The following CAMK1D variants were observed in gnomAD, a reference collection of about 807,000 sequenced individuals.
CAMK1D encodes calcium/calmodulin-dependent protein kinase type 1D.
CAMK1D carries 9 observed loss-of-function variants against 47.7 expected under a neutral mutation model. The ratio of observed to expected loss-of-function variants is 0.19; its 90% CI spans 0.11 to 0.33. CAMK1D has a LOEUF of 0.33. Among genes scored for constraint, CAMK1D ranks in the 10% least tolerant of loss-of-function variants. The pLI is 1.00. For missense variants in CAMK1D, 291 were observed against 488.7 expected (o/e 0.60, Z 3.81); for synonymous variants, 184 against 184.9 (o/e 0.99, Z 0.04).
chr10:12,508,217 C>T (rs567556632), intron 1 of CAMK1D, among the ~76,000 whole-genome samples: 30 of 152,332 alleles, frequency 2.0e-4, no homozygotes, highest in South Asian at 8.3e-4. Context: ...GTAAATGCAT[C>T]GCTATTCATG....
chr10:12,556,915 C>T (rs941396116), intron 2 of CAMK1D, among the ~76,000 whole-genome samples: 2 of 152,196 alleles, frequency 1.3e-5, no homozygotes, highest in Non-Finnish European at 2.9e-5. Flanking sequence ...CACATTAACA[C>T]AGAAGCTCTG....
At chr10:12,581,946 C>T (rs201950464) in intron 2 of CAMK1D, among the ~76,000 whole-genome samples, 1 of 152,084 alleles carries the variant, frequency 6.6e-6, no homozygotes, top group Non-Finnish European at 1.5e-5. Flanking sequence ...TGGGTTCTTG[C>T]TCATGAAGTC....
At chr10:12,471,307 A>G (rs1048530502) in intron 1 of CAMK1D, among the ~76,000 whole-genome samples, 2 of 152,186 alleles carry the variant, frequency 1.3e-5, no homozygotes, top group Admixed American at 6.5e-5. Flanking sequence ...GGCTTCCTCT[A>G]TGGTTCTCTT....
chr10:12,633,960 AC>A (rs1410390980), intron 2 of CAMK1D, among the ~76,000 whole-genome samples: 2 of 152,036 alleles, frequency 1.3e-5, no homozygotes, highest in Admixed American at 1.3e-4. Context: ...GGAGTTTGAA[AC>A]CTGCACAGAA....
At chr10:12,662,862 C>T (rs774079915) in intron 2 of CAMK1D, among the ~76,000 whole-genome samples, 21 of 152,304 alleles carry the variant, frequency 1.4e-4, no homozygotes, top group African/African-American at 3.8e-4. Context: ...CTCAAAACTA[C>T]GACAATGAAC....
chr10:12,570,880 G>C (rs1409101541), intron 2 of CAMK1D, among the ~76,000 whole-genome samples: 1 of 152,076 alleles, frequency 6.6e-6, no homozygotes, highest in Non-Finnish European at 1.5e-5. Flanking sequence ...TGAACCCAGA[G>C]GCGGAGGTTG....
At chr10:12,626,687 C>T (rs1423280325) in intron 2 of CAMK1D, among the ~76,000 whole-genome samples, 3 of 152,222 alleles carry the variant, frequency 2.0e-5, no homozygotes, top group African/African-American at 7.2e-5. Context: ...GTTGGCCAGG[C>T]TGGCCTCGAA....
chr10:12,497,778 A>G (rs1834586017), intron 1 of CAMK1D, among the ~76,000 whole-genome samples: 1 of 152,236 alleles, frequency 6.6e-6, no homozygotes, highest in African/African-American at 2.4e-5. Context: ...GGCTGAGGAC[A>G]GTAGATGAAG....
At chr10:12,531,352 C>G (rs921780604) in intron 1 of CAMK1D, among the ~76,000 whole-genome samples, 2 of 152,182 alleles carry the variant, frequency 1.3e-5, no homozygotes, top group Non-Finnish European at 2.9e-5. Context: ...TGCATTCATC[C>G]CCCTTCTGCC....
At chr10:12,498,002 G>A (rs1353292088) in intron 1 of CAMK1D, among the ~76,000 whole-genome samples, 6 of 152,180 alleles carry the variant, frequency 3.9e-5, no homozygotes, top group South Asian at 2.1e-4. Flanking sequence ...ACGTGTGCAC[G>A]GAAACTGCCC....
intron 1 of CAMK1D, among the ~76,000 whole-genome samples, chr10:12,468,688 C>G (rs1012569821): frequency 1.3e-5 from 2 of 152,206 alleles, no homozygotes; most frequent in Non-Finnish European, 2.9e-5. Context: ...CCCCCCATGA[C>G]CCTGCCCTCC....
At chr10:12,576,090 A>G (rs1837481639) in intron 2 of CAMK1D, among the ~76,000 whole-genome samples, 2 of 152,246 alleles carry the variant, frequency 1.3e-5, no homozygotes, top group African/African-American at 4.8e-5. Context: ...ACATTTTTCT[A>G]GTGAAAGCAA....
At chr10:12,669,697 A>G (rs1300461195) in intron 3 of CAMK1D, among the ~76,000 whole-genome samples, 1 of 152,160 alleles carries the variant, frequency 6.6e-6, no homozygotes, top group African/African-American at 2.4e-5. Context: ...TCTCTTCCTC[A>G]TTCATGACCC....
chr10:12,534,689 A>C (rs904188638), intron 1 of CAMK1D, among the ~76,000 whole-genome samples: 1 of 152,204 alleles, frequency 6.6e-6, no homozygotes, highest in Admixed American at 6.5e-5. Flanking sequence ...TTAATAGCTT[A>C]ACAAAATAAG....
At chr10:12,636,431 G>A (rs10906190) in intron 2 of CAMK1D, among the ~76,000 whole-genome samples, 70,075 of 152,054 alleles carry the variant, frequency 0.46, 16,605 homozygotes, top group South Asian at 0.63. Flanking sequence ...GGGCTCAAGC[G>A]ATCCTCCCAC....
chr10:12,617,347 C>T (rs1465521461), intron 2 of CAMK1D, among the ~76,000 whole-genome samples: 1 of 152,154 alleles, frequency 6.6e-6, no homozygotes, highest in Non-Finnish European at 1.5e-5. Context: ...GAAGAACACT[C>T]ATAACTCCAC....
At chr10:12,490,539 T>C (rs1834351552) in intron 1 of CAMK1D, among the ~76,000 whole-genome samples, 1 of 152,160 alleles carries the variant, frequency 6.6e-6, no homozygotes, top group Admixed American at 6.5e-5. Context: ...TGATATTCAC[T>C]CTATAACGAA....
intron 1 of CAMK1D, among the ~76,000 whole-genome samples, chr10:12,481,494 C>T (rs1193017102): frequency 6.6e-6 from 1 of 152,034 alleles, no homozygotes; most frequent in Non-Finnish European, 1.5e-5. Context: ...GTGTGGCTGG[C>T]CTTGTGTCAA....
chr10:12,719,410 GA>G (rs796233580), intron 3 of CAMK1D, among the ~76,000 whole-genome samples: 36 of 110,244 alleles, frequency 3.3e-4, no homozygotes, highest in East Asian at 4.8e-4. Context: ...TGTGCCTCAG[GA>G]AAAAAAAAAA....
Sources: allele counts gnomAD v4.1 joint callset (sites outside exome capture counted in the v4.1 genomes callset), GRCh38; gene constraint gnomAD v4.1.1; transcripts MANE v1.5; gene names NCBI Gene and HGNC (gene_info 2026-07-23, HGNC 2026-07-21).